Variants in MIS18BP1 observed in about 807,000 individuals in gnomAD.
The protein encoded by MIS18BP1 is mis18-binding protein 1.
In MIS18BP1, 72 loss-of-function variants were observed where a neutral mutation model predicts 116.1. That is an observed-to-expected ratio of 0.62 (90% CI 0.51 to 0.75). The LOEUF is 0.75. Among genes scored for constraint, MIS18BP1 ranks in the 30% least tolerant of loss-of-function variants. The probability of loss-of-function intolerance (pLI) is 0.00; values close to 1 mark genes in which losing one functional copy is unlikely to be tolerated. For synonymous variants in MIS18BP1, 386 were observed against 427.0 expected, an observed-to-expected ratio of 0.90 and a Z score of 1.18; for missense variants, 1,363 against 1,303.2, an observed-to-expected ratio of 1.05 and a Z score of -0.71.
chr14:45,204,162 A>C lies in MIS18BP1; in HGVS notation c.3346T>G (p.Ser1116Ala), dbSNP rs1890445067. ...TAATCTTTCTCTTCTTCATCTAAAGATTCCACAGCATTAGTGAAAAGTTTT... is the reference window on the plus strand; with the variant it reads ...TAATCTTTCTCTTCTTCATCTAAAGCTTCCACAGCATTAGTGAAAAGTTTT... ...IGKLFTNAVE[S>A]LDEEEKDYYF... The change falls in exon 17 of 17, where the codon TCT becomes GCT. Residue 1116 changes from serine to alanine, a missense_variant. Coordinates refer to ENST00000310806, the MANE Select transcript of MIS18BP1 (RefSeq NM_018353.5). 6.2e-7 allele frequency: 1 copy of C among 1,611,838 alleles called. No homozygotes were observed. The highest frequency in any genetic ancestry group is 1.1e-5 in the South Asian group (1 of 90,482).
At chr14:45,252,713 G>A (rs551772398) in intron 1 of MIS18BP1, among the ~76,000 whole-genome samples, 1 of 152,052 alleles carries the variant, frequency 6.6e-6, no homozygotes, top group South Asian at 2.1e-4. Flanking sequence ...GGGTCCTGGG[G>A]TCCCAAGGGG....
At position 45,224,493 on chromosome 14, in the gene MIS18BP1, A is replaced by C; in HGVS notation, c.2094T>G (p.Thr698=). The C allele has an allele frequency of 6.2e-7, 1 of 1,613,648 alleles. No homozygotes were observed. The highest frequency in any genetic ancestry group is 1.7e-5 in the Admixed American group (1 of 59,962). The change falls in exon 11 of 17, where the codon ACT becomes ACG. Residue 698 remains threonine (T), a synonymous_variant. Transcript: ENST00000310806. ...KKSPISKSMG[T]LENTFEGHKS... is the part of the protein sequence containing the mutation. ...TATGACCTTCAAATGTATTTTCTAA[A>C]GTCCCCATGGACTTGCTGATGGGAC...
At chr14:45,232,125 C>T (rs1242350878) in intron 7 of MIS18BP1, among the ~76,000 whole-genome samples, 1 of 152,164 alleles carries the variant, frequency 6.6e-6, no homozygotes, top group Non-Finnish European at 1.5e-5. Flanking sequence ...AACTCCAAAA[C>T]TGGCATTTCA....
In MIS18BP1 at chr14:45,235,890, G is replaced by C; in HGVS notation, c.1272C>G (p.His424Gln). The change falls in exon 6 of 17, where the codon CAC (histidine) becomes CAG (glutamine). Residue 424 changes from histidine to glutamine, a missense_variant. Physicochemically the swap from His to Gln is conservative, Grantham distance 24. Coordinates refer to ENST00000310806, the MANE Select transcript of MIS18BP1 (RefSeq NM_018353.5). ...TGCCTGATATAGTCCTAAGTTTGTTGTGCTCAATCCGCTCTATAATTACAT... is the reference window on the plus strand; with the variant it reads ...TGCCTGATATAGTCCTAAGTTTGTTCTGCTCAATCCGCTCTATAATTACAT... ...HSNVIIERIE[H>Q]NKLRTISGNV... 6.2e-7 allele frequency: 1 copy of C among 1,611,210 alleles called. No individual in the cohort carries two copies. Among genetic ancestry groups the C allele is most frequent in the Non-Finnish European group, 8.5e-7 (1 of 1,178,368 alleles).
rs1258424616 is a variant in MIS18BP1, at chr14:45,253,127, G to GGCCCACGGTGTATCCT, written c.-200_-185dup. 6.6e-6 allele frequency: 1 copy of GGCCCACGGTGTATCCT among 152,328 alleles called. No homozygotes were observed. The highest frequency in any genetic ancestry group is 6.5e-5 in the Admixed American group (1 of 15,292). 9.4% of individuals were successfully genotyped at this position (152,328 alleles called of 1,614,324 possible). On this transcript the variant is annotated 5_prime_UTR_variant, in exon 1 of 17. Coordinates refer to ENST00000310806, the MANE Select transcript of MIS18BP1 (RefSeq NM_018353.5). Reference sequence around the variant, plus strand: ...CGCACGCCGCCGGGCTCGCGCCTCAGGCCCACGGTGTATCCTGCCCGCGGC... The same window carrying GGCCCACGGTGTATCCT: ...CGCACGCCGCCGGGCTCGCGCCTCAGGCCCACGGTGTATCCTGCCCACGGTGTATCCTGCCCGCGGC...
intron 1 of MIS18BP1, among the ~76,000 whole-genome samples, chr14:45,250,785 G>A (rs1325245025): frequency 6.6e-6 from 1 of 151,970 alleles, no homozygotes; most frequent in Non-Finnish European, 1.5e-5. Context: ...ACTTTGGGAG[G>A]CCAAGTGATC....
At chr14:45,235,739 A>G in intron 6 of MIS18BP1, 75 bp downstream of exon 6, 2 of 1,251,174 alleles carry the variant, frequency 1.6e-6, no homozygotes, top group Non-Finnish European at 2.2e-6. Flanking sequence ...AGTTAAAAAA[A>G]TGTGTATTAC....
chr14:45,252,584 C>T (rs1410561232), intron 1 of MIS18BP1, among the ~76,000 whole-genome samples: 3 of 152,126 alleles, frequency 2.0e-5, no homozygotes, highest in African/African-American at 7.2e-5. Flanking sequence ...CAGGCGTGTG[C>T]CACCGCGCCC....
At chr14:45,237,233 G>A (rs1451186058) in intron 5 of MIS18BP1, among the ~76,000 whole-genome samples, 1 of 152,114 alleles carries the variant, frequency 6.6e-6, no homozygotes, top group African/African-American at 2.4e-5. Flanking sequence ...ATATGTAGCC[G>A]TATGGCAAAG....
intron 1 of MIS18BP1, among the ~76,000 whole-genome samples, chr14:45,249,418 C>T (rs2139258514): frequency 6.6e-6 from 1 of 151,810 alleles, no homozygotes; most frequent in South Asian, 2.1e-4. Context: ...ACAGAGTTTC[C>T]CTATGTTGCC....
At chr14:45,225,344 G>A (rs1343051920) in intron 10 of MIS18BP1, among the ~76,000 whole-genome samples, 1 of 151,670 alleles carries the variant, frequency 6.6e-6, no homozygotes, top group Non-Finnish European at 1.5e-5. Context: ...CAATCAGACT[G>A]GAAAAAATAA....
chr14:45,218,581 G>T, intron 11 of MIS18BP1, 127 bp from the exon 12 acceptor site: 2 of 872,098 alleles, frequency 2.3e-6, no homozygotes, highest in Non-Finnish European at 3.3e-6. Flanking sequence ...AAATCATTCT[G>T]GATAACAATT....
Position 45,224,484 on chromosome 14 carries a change from A to T in MIS18BP1, c.2103T>A (p.Asn701Lys). The T allele has an allele frequency of 6.2e-7, 1 of 1,613,560 alleles. No individual in the cohort carries two copies. Among genetic ancestry groups the T allele is most frequent in the Non-Finnish European group, 8.5e-7 (1 of 1,179,852 alleles). Residue 701 changes from asparagine (N) to lysine (K), a missense_variant, in exon 11 of 17, where the codon AAT (asparagine) becomes AAA (lysine). By Grantham distance (94) the Asn-to-Lys change is moderately conservative. Coordinates refer to ENST00000310806, the MANE Select transcript of MIS18BP1 (RefSeq NM_018353.5). The part of the protein sequence containing the change: ...PISKSMGTLE[N>K]TFEGHKSKNK... ...TTTTACTTTTATGACCTTCAAATGTATTTTCTAAAGTCCCCATGGACTTGC... is the reference window on the plus strand; with the variant it reads ...TTTTACTTTTATGACCTTCAAATGTTTTTTCTAAAGTCCCCATGGACTTGC...
At chr14:45,252,315 T>C (rs1385362651) in intron 1 of MIS18BP1, among the ~76,000 whole-genome samples, 3 of 152,366 alleles carry the variant, frequency 2.0e-5, no homozygotes, top group Non-Finnish European at 2.9e-5. Context: ...AATAAAAAGA[T>C]ATATATGTAC....
At chr14:45,237,270 G>GGATC (rs1433931070) in intron 5 of MIS18BP1, among the ~76,000 whole-genome samples, 1 of 152,062 alleles carries the variant, frequency 6.6e-6, no homozygotes, top group Non-Finnish European at 1.5e-5. Context: ...TTCCTTTTCT[G>GGATC]GATCAGTAAT....
chr14:45,238,762 C>A (rs996338247), intron 4 of MIS18BP1, among the ~76,000 whole-genome samples: 11 of 152,096 alleles, frequency 7.2e-5, no homozygotes, highest in Non-Finnish European at 1.3e-4. Context: ...GAGGTCGAGG[C>A]TTCAGTGAGC....
At position 45,227,645 on chromosome 14, in the gene MIS18BP1, T is replaced by C; in HGVS notation, c.1746+18A>G. On this transcript the variant is annotated intron_variant, in intron 9 of 16. Coordinates refer to ENST00000310806, the MANE Select transcript of MIS18BP1 (RefSeq NM_018353.5). ...CTAAATATCAACTTGAACTATACAG[T>C]GTACAATAAAGCCTTACCTGATTAG... The C allele has an allele frequency of 6.2e-7, 1 of 1,603,946 alleles. No homozygotes were observed. Among genetic ancestry groups the C allele is most frequent in the Admixed American group, 1.7e-5 (1 of 59,954 alleles).
At chr14:45,243,899 C>T (rs192075750) in intron 2 of MIS18BP1, among the ~76,000 whole-genome samples, 5 of 152,184 alleles carry the variant, frequency 3.3e-5, no homozygotes, top group South Asian at 2.1e-4. Flanking sequence ...GAAAGGGTCA[C>T]CAGATTCTCA....
chr14:45,207,787 GA>G (rs1363799294), intron 14 of MIS18BP1, among the ~76,000 whole-genome samples: 1 of 152,112 alleles, frequency 6.6e-6, no homozygotes, highest in Non-Finnish European at 1.5e-5. Context: ...AAACTGTTAT[GA>G]AAAGTACGTC....
Sources: gnomAD v4.1 joint callset for allele counts (sites outside exome capture counted in the v4.1 genomes callset) on GRCh38, gnomAD v4.1.1 for gene constraint, MANE v1.5 for transcripts, NCBI Gene and HGNC (gene_info 2026-07-23, HGNC 2026-07-21) for gene names.